The following OSTC variants were observed in gnomAD, a reference collection of about 807,000 sequenced individuals.
OSTC encodes the protein oligosaccharyltransferase complex subunit OSTC.
OSTC carries 16 observed loss-of-function variants against 16.4 expected under a neutral mutation model. The ratio of observed to expected loss-of-function variants is 0.98; its 90% CI spans 0.66 to 1.49. The LOEUF (loss-of-function observed/expected upper bound fraction) is 1.49, where lower values mean the gene tolerates loss of function less well. Ranked by LOEUF, OSTC falls within the 40% of genes most tolerant of loss-of-function variation. OSTC has a pLI of 0.00. For synonymous variants in OSTC, 67 were observed against 68.5 expected (o/e 0.98, Z 0.11); for missense variants, 139 against 186.3 (o/e 0.75, Z 1.48).
rs556113506 is a variant in OSTC at position 108,657,591 on chromosome 4, C to T, written c.375C>T (p.Phe125=). 5.0e-6 allele frequency: 8 copies of T among 1,613,670 alleles called. No homozygotes were observed. In the African/African-American group the frequency reaches 5.3e-5, roughly 11 times the overall value. ...GATTCCTTCTTCTGTTCATTGGATT[C>T]GTCTGTGTCCTATTGAGTTTTTTCA... ...LNRFLLLFIG[F]VCVLLSFFMA... The change falls in exon 3 of 4, where the codon TTC becomes TTT. Residue 125 remains phenylalanine (F), a synonymous_variant. Transcript: ENST00000361564.
rs546660356 is a variant in OSTC at position 108,663,193 on chromosome 4, T to G, written c.432-4054T>G. Reference sequence around the variant, plus strand: ...TTATGGCCACAGTTTCAAAAATAAATGAATAAACCATTACTGTTTTTGTTT... The same window carrying G: ...TTATGGCCACAGTTTCAAAAATAAAGGAATAAACCATTACTGTTTTTGTTT... On this transcript the variant is annotated intron_variant, in intron 3 of 3. Transcript: ENST00000361564. 58 of 455,784 alleles carry G rather than the reference T, an allele frequency of 1.3e-4. 1 individual carries two copies. Among genetic ancestry groups the G allele is most frequent in the Non-Finnish European group, 2.4e-4 (55 of 226,826 alleles). 28.2% of individuals were successfully genotyped at this position (455,784 alleles called of 1,614,324 possible).
intron 3 of OSTC, among the ~76,000 whole-genome samples, chr4:108,662,856 T>G (rs944622123): frequency 2.6e-5 from 4 of 152,172 alleles, no homozygotes; most frequent in Non-Finnish European, 5.9e-5. Context: ...TTTTAGCAAA[T>G]AAGGGACGTA....
rs546458852 is a variant in OSTC, at chr4:108,655,271, G to A, written c.140-293G>A. Among the ~76,000 whole-genome samples the A allele has an allele frequency of 4.6e-5, 7 of 152,256 alleles. 1 individual carries two copies. Among genetic ancestry groups the A allele is most frequent in the African/African-American group, 1.4e-4 (6 of 41,550 alleles). On this transcript the variant is annotated intron_variant, in intron 1 of 3. Coordinates refer to ENST00000361564, the MANE Select transcript of OSTC (RefSeq NM_021227.4). ...ACCTGAGGTCAGGAGTTCGAGACCAGCCTGACCAATATGGTGAAATCCCGT... is the reference window on the plus strand; with the variant it reads ...ACCTGAGGTCAGGAGTTCGAGACCAACCTGACCAATATGGTGAAATCCCGT...
chr4:108,667,210 C>T (rs781550633), intron 3 of OSTC, 37 bp from the exon 4 acceptor site: 18 of 1,576,774 alleles, frequency 1.1e-5, no homozygotes, highest in Non-Finnish European at 1.6e-5. Context: ...AAAAACAATT[C>T]TTTTCACTTT....
intron 3 of OSTC, among the ~76,000 whole-genome samples, chr4:108,659,478 T>G (rs376986496): frequency 3.9e-5 from 6 of 151,940 alleles, no homozygotes; most frequent in Non-Finnish European, 7.4e-5. Flanking sequence ...GACTCCCAGA[T>G]AGAATAAAGA....
chr4:108,661,692 G>A (rs1453330723), intron 3 of OSTC, among the ~76,000 whole-genome samples: 1 of 152,156 alleles, frequency 6.6e-6, no homozygotes, highest in Non-Finnish European at 1.5e-5. Flanking sequence ...CCGCCTCCCA[G>A]GTTCAAGCCA....
intron 3 of OSTC, among the ~76,000 whole-genome samples, chr4:108,665,502 C>T (rs556988627): frequency 4.7e-4 from 65 of 137,806 alleles, no homozygotes; most frequent in African/African-American, 1.8e-3. Context: ...GGCTGGAGCA[C>T]GGGGTTTCAC....
intron 1 of OSTC, chr4:108,651,241 T>C (rs1353956099): frequency 6.2e-6 from 1 of 161,530 alleles, no homozygotes; most frequent in East Asian, 1.8e-4. Context: ...GTGGGACTTT[T>C]AAACTTATCT....
rs1028817489 is a variant in OSTC, at chr4:108,655,599, G to A, written c.175G>A (p.Val59Ile). ...TGATGTTATTGTTGAACCTCCAAGT[G>A]TCGGTTCTATGACTGATGAACATGG... is the stretch of plus-strand genomic sequence containing the variant. Reference protein sequence around the residue: ...IYDVIVEPPSVGSMTDEHGHQ... With the variant: ...IYDVIVEPPSIGSMTDEHGHQ... The change falls in exon 2 of 4, where the codon GTC (valine) becomes ATC (isoleucine). Residue 59 changes from valine (V) to isoleucine (I), a missense_variant. Coordinates refer to ENST00000361564, the MANE Select transcript of OSTC (RefSeq NM_021227.4). 2 of 1,607,812 alleles carry A rather than the reference G, an allele frequency of 1.2e-6. No homozygotes were observed. Among genetic ancestry groups the A allele is most frequent in the Non-Finnish European group, 1.7e-6 (2 of 1,174,864 alleles).
At chr4:108,656,979 G>T (rs1034746093) in intron 2 of OSTC, among the ~76,000 whole-genome samples, 1 of 151,450 alleles carries the variant, frequency 6.6e-6, no homozygotes, top group African/African-American at 2.4e-5. Flanking sequence ...CGCGCCTGTA[G>T]TCCCAGCGAT....
intron 2 of OSTC, among the ~76,000 whole-genome samples, chr4:108,656,483 T>C (rs1020150388): frequency 5.3e-5 from 8 of 152,054 alleles, no homozygotes; most frequent in Admixed American, 2.0e-4. Flanking sequence ...AATACCCTGT[T>C]TACATATGCC....
chr4:108,667,476 C>A lies in OSTC; in HGVS notation c.*211C>A, dbSNP rs1472153758. On this transcript the variant is annotated 3_prime_UTR_variant, in exon 4 of 4. Coordinates refer to ENST00000361564, the MANE Select transcript of OSTC (RefSeq NM_021227.4). Reference sequence around the variant, plus strand: ...CAAGTTTATCACAGAATTTTTTTTCCTGCTGGCCTATTGCTATACCAATGA... The same window carrying A: ...CAAGTTTATCACAGAATTTTTTTTCATGCTGGCCTATTGCTATACCAATGA... 4.7e-6 allele frequency: 2 copies of A among 426,698 alleles called. No homozygotes were observed. Among genetic ancestry groups the A allele is most frequent in the Non-Finnish European group, 8.4e-6 (2 of 239,220 alleles). 26.4% of individuals were successfully genotyped at this position (426,698 alleles called of 1,614,324 possible).
At chr4:108,665,465 TG>T (rs1726968912) in intron 3 of OSTC, among the ~76,000 whole-genome samples, 1 of 149,780 alleles carries the variant, frequency 6.7e-6, no homozygotes, top group African/African-American at 2.5e-5. Flanking sequence ...TTTTTTTTTT[TG>T]AGACGGATTC....
At chr4:108,651,004 C>T in intron 1 of OSTC, 1 of 609,104 alleles carries the variant, frequency 1.6e-6, no homozygotes, top group Non-Finnish European at 2.7e-6. Context: ...CGTGTTCTCA[C>T]TCCCATTGCC....
At chr4:108,660,185 A>G (rs987870487) in intron 3 of OSTC, among the ~76,000 whole-genome samples, 7 of 152,236 alleles carry the variant, frequency 4.6e-5, no homozygotes, top group African/African-American at 1.7e-4. Flanking sequence ...GAAAAAGGGT[A>G]TACTTTCTGG....
chr4:108,659,974 G>T (rs1453966350), intron 3 of OSTC, among the ~76,000 whole-genome samples: 1 of 152,134 alleles, frequency 6.6e-6, no homozygotes, highest in Non-Finnish European at 1.5e-5. Flanking sequence ...TAAGAAAATA[G>T]GTGTTATCTT....
Position 108,666,369 on chromosome 4 carries a change from T to A in OSTC, c.432-878T>A, listed in dbSNP as rs761503562. 7.2e-5 allele frequency among the ~76,000 whole-genome samples: 11 copies of A among 152,300 alleles called. No individual in the cohort carries two copies. In the South Asian group the frequency reaches 2.3e-3, roughly 32 times the overall value. On this transcript the variant is annotated intron_variant, in intron 3 of 3. Coordinates refer to ENST00000361564, the MANE Select transcript of OSTC (RefSeq NM_021227.4). ...CTTTTAGATATCATTTTCTTTTCTT[T>A]ACTTCCTTTTCTTATTCTGTGTTGT...
intron 3 of OSTC, among the ~76,000 whole-genome samples, chr4:108,661,067 A>C (rs770130241): frequency 6.6e-6 from 1 of 151,998 alleles, no homozygotes; most frequent in Non-Finnish European, 1.5e-5. Flanking sequence ...AAAATAAAAA[A>C]ATTAGCTGGG....
chr4:108,650,715 G>A lies in OSTC; in HGVS notation c.60G>A (p.Lys20=), dbSNP rs1350644226. Residue 20 remains lysine (K), a synonymous_variant, in exon 1 of 4, where the codon AAG becomes AAA. Coordinates refer to ENST00000361564, the MANE Select transcript of OSTC (RefSeq NM_021227.4). ...LVLECPNLKL[K]KPPWLHMPSA... Reference sequence around the variant, plus strand: ...TCGAATGTCCCAACCTGAAGCTGAAGAAGCCGCCCTGGTTGCACATGCCGT... The same window carrying A: ...TCGAATGTCCCAACCTGAAGCTGAAAAAGCCGCCCTGGTTGCACATGCCGT... The A allele has an allele frequency of 1.9e-6, 3 of 1,614,096 alleles. No homozygotes were observed. The highest frequency in any genetic ancestry group is 2.7e-5 in the African/African-American group (2 of 74,948).
Sources: gnomAD v4.1 joint callset for allele counts (sites outside exome capture counted in the v4.1 genomes callset) on GRCh38, gnomAD v4.1.1 for gene constraint, MANE v1.5 for transcripts, NCBI Gene and HGNC (gene_info 2026-07-23, HGNC 2026-07-21) for gene names.